The following STAU2 variants were observed in gnomAD, a reference collection of about 807,000 sequenced individuals.
STAU2 encodes the protein double-stranded RNA-binding protein Staufen homolog 2.
Under a neutral mutation model 65.9 loss-of-function variants are expected in STAU2, and 20 were observed. The observed-to-expected ratio is 0.30, with a 90% CI of 0.21 to 0.44. STAU2 has a LOEUF of 0.44. Ranked by LOEUF, STAU2 falls within the 20% of genes least tolerant of loss-of-function variation. The pLI is 1.00. For missense variants in STAU2, 558 were observed against 683.9 expected, an observed-to-expected ratio of 0.82 and a Z score of 2.05; for synonymous variants, 232 against 233.9, an observed-to-expected ratio of 0.99 and a Z score of 0.07.
At chr8:73,572,097 T>C (rs1049688508) in intron 12 of STAU2, among the ~76,000 whole-genome samples, 1 of 152,120 alleles carries the variant, frequency 6.6e-6, no homozygotes, top group Admixed American at 6.5e-5. Flanking sequence ...AAATACAAAC[T>C]ACCATCAGAG....
chr8:73,675,740 T>C lies in STAU2; in HGVS notation c.275-2498A>G, dbSNP rs77598025. ...GACTGAGGAACTGTTTGTTACAGAT[T>C]GAAGTGGAATGAAGAGAAATGTTAA... On this transcript the variant is annotated intron_variant, in intron 5 of 14. Coordinates refer to ENST00000524300, the MANE Select transcript of STAU2 (RefSeq NM_001164380.2). Among the ~76,000 whole-genome samples the C allele has an allele frequency of 3.0e-3, 451 of 152,282 alleles. 17 individuals carry two copies. In the East Asian group the frequency reaches 0.037, roughly 13 times the overall value.
chr8:73,436,589 T>C lies in STAU2; in HGVS notation c.1531-13887A>G, dbSNP rs1252890918. ...AATTTTTTATTTATTTATTTATTTA[T>C]TTATTTATTTATTTTGAGACAGAGT... On this transcript the variant is annotated intron_variant, in intron 13 of 14. Transcript: ENST00000524300. Among the ~76,000 whole-genome samples, 19 of 150,020 alleles carry C rather than the reference T, an allele frequency of 1.3e-4. 1 individual carries two copies.
At chr8:73,573,563 C>G (rs1010419830) in intron 12 of STAU2, among the ~76,000 whole-genome samples, 3 of 152,114 alleles carry the variant, frequency 2.0e-5, no homozygotes, top group Non-Finnish European at 4.4e-5. Flanking sequence ...AGATATAGAC[C>G]AATGGAACAG....
At chr8:73,451,942 T>C (rs1238824239) in intron 13 of STAU2, among the ~76,000 whole-genome samples, 2 of 152,200 alleles carry the variant, frequency 1.3e-5, no homozygotes, top group Non-Finnish European at 2.9e-5. Context: ...TTTGGTTTTC[T>C]TTTACCTTCC....
At chr8:73,694,070 T>A (rs1819537818) in intron 4 of STAU2, among the ~76,000 whole-genome samples, 1 of 152,186 alleles carries the variant, frequency 6.6e-6, no homozygotes. Flanking sequence ...TCAGACTAAG[T>A]GGATTCCAGA....
intron 3 of STAU2, among the ~76,000 whole-genome samples, chr8:73,735,636 G>A (rs1806380425): frequency 6.6e-6 from 1 of 152,184 alleles, no homozygotes; most frequent in Admixed American, 6.5e-5. Context: ...AACACTTCCA[G>A]TGCCAAGCAT....
chr8:73,466,645 C>T (rs1443900228), intron 13 of STAU2, among the ~76,000 whole-genome samples: 1 of 152,200 alleles, frequency 6.6e-6, no homozygotes, highest in Non-Finnish European at 1.5e-5. Context: ...CTTTCCCACT[C>T]TCTCACTCTC....
intron 13 of STAU2, among the ~76,000 whole-genome samples, chr8:73,542,522 A>C (rs1052363091): frequency 2.0e-5 from 3 of 152,156 alleles, no homozygotes; most frequent in Non-Finnish European, 4.4e-5. Context: ...TGTTTTTCAA[A>C]GGATCACGTT....
chr8:73,508,445 T>G (rs933639224), intron 13 of STAU2, among the ~76,000 whole-genome samples: 4 of 152,148 alleles, frequency 2.6e-5, no homozygotes, highest in Admixed American at 6.5e-5. Context: ...CCATCTTATA[T>G]GGGCATGATT....
intron 13 of STAU2, among the ~76,000 whole-genome samples, chr8:73,498,350 T>A (rs1439298181): frequency 6.6e-6 from 1 of 151,918 alleles, no homozygotes; most frequent in African/African-American, 2.4e-5. Flanking sequence ...GTTGAATGAA[T>A]GGCCATAGAA....
intron 13 of STAU2, among the ~76,000 whole-genome samples, chr8:73,514,262 T>C (rs1444000925): frequency 6.6e-6 from 1 of 152,196 alleles, no homozygotes; most frequent in Admixed American, 6.5e-5. Context: ...AGGTGATCAG[T>C]ATCCATTCCT....
intron 6 of STAU2, among the ~76,000 whole-genome samples, chr8:73,651,008 C>T (rs544372168): frequency 2.6e-4 from 40 of 152,312 alleles, no homozygotes; most frequent in African/African-American, 8.9e-4. Context: ...CAGCCCTGCC[C>T]GGCCATGCGT....
chr8:73,450,020 C>A (rs1200569431), intron 13 of STAU2, among the ~76,000 whole-genome samples: 1 of 152,234 alleles, frequency 6.6e-6, no homozygotes, highest in African/African-American at 2.4e-5. Context: ...ATATGCCGGG[C>A]TGGCAGAGGC....
At chr8:73,634,286 TGCGTTGGCCGG>T (rs1814331018) in intron 6 of STAU2, among the ~76,000 whole-genome samples, 1 of 152,020 alleles carries the variant, frequency 6.6e-6, no homozygotes, top group African/African-American at 2.4e-5. Context: ...GCTCAAAACC[TGCGTTGGCCGG>T]GGTGGGCGGA....
intron 5 of STAU2, among the ~76,000 whole-genome samples, chr8:73,677,442 C>T (rs1440462432): frequency 2.0e-5 from 3 of 152,166 alleles, no homozygotes; most frequent in Admixed American, 1.3e-4. Flanking sequence ...AATTCAAATA[C>T]GTATAATAGT....
intron 13 of STAU2, among the ~76,000 whole-genome samples, chr8:73,450,023 G>C (rs1246917172): frequency 6.6e-6 from 1 of 152,246 alleles, no homozygotes; most frequent in African/African-American, 2.4e-5. Flanking sequence ...TGCCGGGCTG[G>C]CAGAGGCAAG....
At chr8:73,544,187 T>C (rs1054305246) in intron 13 of STAU2, among the ~76,000 whole-genome samples, 18 of 152,150 alleles carry the variant, frequency 1.2e-4, no homozygotes, top group South Asian at 4.1e-4. Context: ...AAGAGATCAT[T>C]TAATTTTCTC....
intron 13 of STAU2, among the ~76,000 whole-genome samples, chr8:73,446,512 C>T (rs539725994): frequency 6.6e-5 from 10 of 152,252 alleles, no homozygotes; most frequent in Middle Eastern, 3.4e-3. Flanking sequence ...GTGCAGAGTA[C>T]GTGGGACCTC....
chr8:73,729,775 C>T (rs1490799161), intron 3 of STAU2, among the ~76,000 whole-genome samples: 6 of 152,180 alleles, frequency 3.9e-5, no homozygotes, highest in African/African-American at 9.6e-5. Flanking sequence ...TTTAGTAATG[C>T]GTATTTCTAA....
Sources: gnomAD v4.1 joint callset for allele counts (sites outside exome capture counted in the v4.1 genomes callset) on GRCh38, gnomAD v4.1.1 for gene constraint, MANE v1.5 for transcripts, NCBI Gene and HGNC (gene_info 2026-07-23, HGNC 2026-07-21) for gene names.